DERPC: variants seen among roughly 807,000 people sequenced by gnomAD.
DERPC encodes decreased expression in renal and prostate cancer protein.
DERPC carries 1 observed loss-of-function variant against 7.2 expected under a neutral mutation model. That is an observed-to-expected ratio of 0.14 (90% CI 0.05 to 0.66). DERPC has a LOEUF of 0.66. DERPC is among the 30% of genes least tolerant of loss of function. DERPC has a pLI of 0.84. For synonymous variants in DERPC, 185 were observed against 117.6 expected (o/e 1.57, Z -3.71); for missense variants, 502 against 299.4 (o/e 1.68, Z -4.99).
chr16:69,124,423 AT>A (rs879708208), intron 1 of DERPC, among the ~76,000 whole-genome samples: 3 of 149,936 alleles, frequency 2.0e-5, no homozygotes, highest in Non-Finnish European at 4.5e-5. Flanking sequence ...TGTTAAACAG[AT>A]TTTTTTTTTG....
At position 69,127,685 on chromosome 16, in the gene DERPC, T is replaced by C. The variant is rs1452269937; in HGVS notation, c.-280+4799A>G. Among the ~76,000 whole-genome samples the C allele has an allele frequency of 4.8e-5, 7 of 146,270 alleles. No homozygotes were observed. The East Asian group carries it at 6.3e-4, about 13-fold the overall frequency. Reference sequence around the variant, plus strand: ...AGTGCAGTGGCTCGATCTCAGCTCATTGCAACCTCTGTCTCCCAGGTTCAA... The same window carrying C: ...AGTGCAGTGGCTCGATCTCAGCTCACTGCAACCTCTGTCTCCCAGGTTCAA... On this transcript the variant is annotated intron_variant, in intron 1 of 2. Transcript: ENST00000519520.
At position 69,120,115 on chromosome 16, in the gene DERPC, G is replaced by A. The variant is rs1192371081; in HGVS notation, c.314C>T (p.Thr105Ile). The change falls in exon 3 of 3, where the codon ACT becomes ATT. Residue 105 changes from threonine to isoleucine, a missense_variant. Thr to Ile is a moderately conservative substitution (Grantham distance 89). Transcript: ENST00000519520. The surrounding 1 kb of genome is among the most constrained non-coding windows in gnomAD (Gnocchi z 4.0). ...MASFPRGMNPTGTGAVSFPRP... is the reference protein window; with the variant it reads ...MASFPRGMNPIGTGAVSFPRP... ...TGGGAAAGAAACTGCACCTGTGCCA[G>A]TGGGATTCATCCCTCTTGGAAAAGA... 2.9e-6 allele frequency: 2 copies of A among 700,986 alleles called. No homozygotes were observed. Among genetic ancestry groups the A allele is most frequent in the Admixed American group, 2.0e-5 (1 of 49,824 alleles). 43.4% of individuals were successfully genotyped at this position (700,986 alleles called of 1,614,324 possible).
rs1321258949 is a variant in DERPC, at chr16:69,119,350, T to C, written c.1079A>G (p.Asn360Ser). 5.7e-6 allele frequency: 4 copies of C among 702,950 alleles called. No individual in the cohort carries two copies. The highest frequency in any genetic ancestry group is 1.0e-5 in the Non-Finnish European group (4 of 385,014). The allele number at this position is 702,950 out of a possible 1,614,324, so 43.5% of individuals were successfully genotyped here. A position where few individuals can be genotyped will look rare whatever the true frequency, so the allele number is the denominator to read the frequency against. The change falls in exon 3 of 3, where the codon AAT becomes AGT. Residue 360 changes from asparagine to serine, a missense_variant. Transcript: ENST00000519520. ...TGAACCTGCTCCCCTGGGAAAGGGA[T>C]TGGCATTTACCCCCATGGGGCCAAC... ...RPVGPMGVNANPFPRGAGSSA... is the reference protein window; with the variant it reads ...RPVGPMGVNASPFPRGAGSSA...
intron 1 of DERPC, among the ~76,000 whole-genome samples, chr16:69,126,362 G>A (rs551650783): frequency 4.6e-5 from 7 of 152,152 alleles, no homozygotes; most frequent in Admixed American, 6.6e-5. Context: ...CAATGGTGTC[G>A]AAAACACATT....
intron 1 of DERPC, 141 bp from the exon 2 acceptor site, chr16:69,121,634 TG>T (rs1961672803): frequency 1.9e-6 from 1 of 521,802 alleles, no homozygotes; most frequent in African/African-American, 2.0e-5. Flanking sequence ...CCCACCACTA[TG>T]GCCAGCTAAC....
Position 69,118,533 on chromosome 16 carries a change from A to G in DERPC, c.*321T>C, listed in dbSNP as rs2152263860. On this transcript the variant is annotated 3_prime_UTR_variant, in exon 3 of 3. Coordinates refer to ENST00000519520, the MANE Select transcript of DERPC (RefSeq NM_001002847.4). ...CTGCAGGCCAATGTATCCCTGAGGA[A>G]AAGTCCACAAGAACAATTCAAGAAA... 1 of 919,588 alleles carries G rather than the reference A, an allele frequency of 1.1e-6. No individual in the cohort carries two copies. Among genetic ancestry groups the G allele is most frequent in the Non-Finnish European group, 1.8e-6 (1 of 549,778 alleles). 57.0% of individuals were successfully genotyped at this position (919,588 alleles called of 1,614,324 possible).
chr16:69,126,312 A>G (rs1962052532), intron 1 of DERPC, among the ~76,000 whole-genome samples: 1 of 152,204 alleles, frequency 6.6e-6, no homozygotes, highest in Non-Finnish European at 1.5e-5. Context: ...TGCATTCTCC[A>G]TTTCCTGGAC....
chr16:69,123,599 G>A (rs1008546158), intron 1 of DERPC, among the ~76,000 whole-genome samples: 2 of 152,014 alleles, frequency 1.3e-5, no homozygotes, highest in Non-Finnish European at 2.9e-5. Context: ...CAAAGGTTAC[G>A]GTGAGCCAAG....
At chr16:69,125,246 C>T (rs1423300029) in intron 1 of DERPC, among the ~76,000 whole-genome samples, 1 of 152,122 alleles carries the variant, frequency 6.6e-6, no homozygotes, top group African/African-American at 2.4e-5. Context: ...TAGCAGCTAA[C>T]ATGTTTTGAA....
intron 1 of DERPC, among the ~76,000 whole-genome samples, chr16:69,125,545 G>C (rs1293351380): frequency 6.6e-6 from 1 of 152,176 alleles, no homozygotes; most frequent in Non-Finnish European, 1.5e-5. Context: ...GGCAGGCATG[G>C]AGTATATGCA....
chr16:69,124,935 G>A (rs533602857), intron 1 of DERPC, among the ~76,000 whole-genome samples: 4 of 149,350 alleles, frequency 2.7e-5, no homozygotes, highest in South Asian at 2.1e-4. Flanking sequence ...ACAGAGTTTC[G>A]CTCCTGTTGC....
Position 69,118,379 on chromosome 16 carries a change from G to A in DERPC, c.*475C>T, listed in dbSNP as rs142125256. ...GCCCCCAGGGAAAGGTATGGCAGTA[G>A]AGGATGACCAGGTCCAAGCTGCCCA... On this transcript the variant is annotated 3_prime_UTR_variant, in exon 3 of 3. Coordinates refer to ENST00000519520, the MANE Select transcript of DERPC (RefSeq NM_001002847.4). The A allele has an allele frequency of 1.3e-3, 2,140 of 1,611,784 alleles. 2 individuals carry two copies. Among genetic ancestry groups the A allele is most frequent in the Non-Finnish European group, 1.6e-3 (1,928 of 1,177,878 alleles).
In DERPC at chr16:69,118,593, G is replaced by T. The variant is rs1489267707; in HGVS notation, c.*261C>A. On this transcript the variant is annotated 3_prime_UTR_variant, in exon 3 of 3. Coordinates refer to ENST00000519520, the MANE Select transcript of DERPC (RefSeq NM_001002847.4). ...AACAATGGGCAGAAAGCTGTGGGAC[G>T]AAAGCACAGCAGGCTTCTGGGAGGC... 1.4e-6 allele frequency: 1 copy of T among 723,952 alleles called. No homozygotes were observed. The highest frequency in any genetic ancestry group is 2.5e-6 in the Non-Finnish European group (1 of 397,476). 44.8% of individuals were successfully genotyped at this position (723,952 alleles called of 1,614,324 possible). A position where few individuals can be genotyped will look rare whatever the true frequency, so the allele number is the denominator to read the frequency against.
In DERPC at chr16:69,120,685, G is replaced by C. The variant is rs199912103; in HGVS notation, c.-221-36C>G. ...ACAAGAACGAGATTCCTGAGGTTCC[G>C]GGGCAAGGCCATAACACTCAGGCGC... On this transcript the variant is annotated intron_variant, in intron 2 of 2. Transcript: ENST00000519520. This position sits in a 1 kb window ranked among gnomAD's most constrained non-coding sequence, Gnocchi z 4.0. The C allele has an allele frequency of 6.2e-4, 981 of 1,570,800 alleles. 14 individuals are homozygous for C. The highest frequency in any genetic ancestry group is 1.3e-4 in the Non-Finnish European group (147 of 1,147,050).
intron 1 of DERPC, among the ~76,000 whole-genome samples, chr16:69,125,124 G>A (rs770868120): frequency 2.6e-5 from 4 of 152,002 alleles, no homozygotes; most frequent in African/African-American, 4.8e-5. Context: ...GGCTGGTCTC[G>A]AACTCCCAAC....
chr16:69,126,148 G>T (rs1407048663), intron 1 of DERPC, among the ~76,000 whole-genome samples: 1 of 152,156 alleles, frequency 6.6e-6, no homozygotes, highest in Non-Finnish European at 1.5e-5. Context: ...AAATACAGGT[G>T]GTTTTAGAGA....
chr16:69,130,558 A>G (rs947917391), intron 1 of DERPC, among the ~76,000 whole-genome samples: 3 of 151,950 alleles, frequency 2.0e-5, no homozygotes, highest in South Asian at 2.1e-4. Flanking sequence ...CACCTATCCC[A>G]TATGTGACAG....
intron 1 of DERPC, among the ~76,000 whole-genome samples, chr16:69,124,082 C>G (rs1961883738): frequency 6.6e-6 from 1 of 150,718 alleles, no homozygotes; most frequent in African/African-American, 2.4e-5. Flanking sequence ...CCAGTCTACA[C>G]AGAAGAGCAA....
rs768807913 is a variant in DERPC, at chr16:69,119,264, C to T, written c.1165G>A (p.Ala389Thr). The stretch of plus-strand genomic sequence containing the variant: ...GTTGGATTTGAGCCCTGGAGGCCAG[C>T]GGACCTTTGGAAGGTAGCTGGGTTT... ...ASNPATFQRS[A>T]GLQGSNPTIF... is the part of the protein sequence containing the mutation. Residue 389 changes from alanine to threonine, a missense_variant, in exon 3 of 3, where the codon GCT becomes ACT. Transcript: ENST00000519520. 3.1e-5 allele frequency: 22 copies of T among 702,900 alleles called. No individual in the cohort carries two copies. Among genetic ancestry groups the T allele is most frequent in the Admixed American group, 1.4e-4 (7 of 50,004 alleles). The allele number at this position is 702,900 out of a possible 1,614,324, so 43.5% of individuals were successfully genotyped here. A position where few individuals can be genotyped will look rare whatever the true frequency, so the allele number is the denominator to read the frequency against.
Sources: gnomAD v4.1 joint callset for allele counts (sites outside exome capture counted in the v4.1 genomes callset) on GRCh38, gnomAD v4.1.1 for gene constraint, Gnocchi (gnomAD v3.1) non-coding constraint, MANE v1.5 for transcripts, NCBI Gene and HGNC (gene_info 2026-07-23, HGNC 2026-07-21) for gene names.